The following SHISA9 variants were observed in gnomAD, a reference collection of about 807,000 sequenced individuals.
SHISA9 encodes shisa family member 9, also known as protein shisa-9.
Under a neutral mutation model 38.0 loss-of-function variants are expected in SHISA9, and 13 were observed. The ratio of observed to expected loss-of-function variants is 0.34; its 90% CI spans 0.22 to 0.54. The LOEUF (loss-of-function observed/expected upper bound fraction) is 0.54. Among genes scored for constraint, SHISA9 ranks in the 20% least tolerant of loss-of-function variants. The probability of loss-of-function intolerance (pLI) is 0.91; values close to 1 mark genes in which losing one functional copy is unlikely to be tolerated. For synonymous variants in SHISA9, 275 were observed against 242.0 expected (o/e 1.14, Z -1.27); for missense variants, 538 against 575.8 (o/e 0.93, Z 0.67).
the SHISA9 span, among the ~76,000 whole-genome samples, chr16:13,490,333 C>T: frequency 1.8e-4 from 28 of 152,082 alleles, 1 homozygote; most frequent in South Asian, 2.1e-4. Context: ...GAGGCTGAGG[C>T]GGGTGGATTG....
chr16:13,003,860 A>AATAATAAT (rs1282030078), intron 2 of SHISA9, among the ~76,000 whole-genome samples: 17 of 118,430 alleles, frequency 1.4e-4, no homozygotes, highest in African/African-American at 6.7e-4. Flanking sequence ...TCCGTCTCAA[A>AATAATAAT]ATAATAATAA....
chr16:13,255,815 G>C, the SHISA9 span, among the ~76,000 whole-genome samples: 2 of 152,218 alleles, frequency 1.3e-5, no homozygotes, highest in Admixed American at 1.3e-4. Context: ...TCCAGTCTAT[G>C]GGGAAGAGAG....
the SHISA9 span, among the ~76,000 whole-genome samples, chr16:13,407,942 C>G: frequency 6.6e-6 from 1 of 152,172 alleles, no homozygotes; most frequent in African/African-American, 2.4e-5. Flanking sequence ...ATCTAGATGT[C>G]TTACAGATCT....
the SHISA9 span, among the ~76,000 whole-genome samples, chr16:13,276,295 GT>G: frequency 7.3e-6 from 1 of 136,326 alleles, no homozygotes; most frequent in Non-Finnish European, 1.5e-5. Flanking sequence ...ATATAGCACA[GT>G]TTCTTTATCC....
intron 2 of SHISA9, among the ~76,000 whole-genome samples, chr16:13,089,764 A>G (rs2073753867): frequency 1.3e-5 from 2 of 151,990 alleles, no homozygotes; most frequent in Non-Finnish European, 2.9e-5. Context: ...TCCTGGATTC[A>G]TTGATTTTTT....
the SHISA9 span, among the ~76,000 whole-genome samples, chr16:13,541,768 G>T: frequency 6.6e-6 from 1 of 152,138 alleles, no homozygotes; most frequent in African/African-American, 2.4e-5. Flanking sequence ...AAAAGAGTGA[G>T]TATGATTCAT....
At chr16:13,516,199 G>T in the SHISA9 span, among the ~76,000 whole-genome samples, 1 of 152,202 alleles carries the variant, frequency 6.6e-6, no homozygotes, top group African/African-American at 2.4e-5. Context: ...TGTGAACAAG[G>T]ATTTGGCTTC....
At chr16:13,211,407 T>C (rs2142063695) in intron 3 of SHISA9, among the ~76,000 whole-genome samples, 1 of 152,270 alleles carries the variant, frequency 6.6e-6, no homozygotes, top group South Asian at 2.1e-4. Flanking sequence ...ATATTTTACA[T>C]ACAGTGACAT....
At chr16:13,408,346 G>T in the SHISA9 span, among the ~76,000 whole-genome samples, 2 of 152,122 alleles carry the variant, frequency 1.3e-5, no homozygotes, top group African/African-American at 2.4e-5. Context: ...AATATTAAAA[G>T]CTGATAAATG....
At chr16:13,435,280 A>C in the SHISA9 span, among the ~76,000 whole-genome samples, 3 of 152,038 alleles carry the variant, frequency 2.0e-5, no homozygotes, top group Admixed American at 6.6e-5. Flanking sequence ...AGGAGCACTT[A>C]GAACTGCAAA....
chr16:13,261,891 C>A, the SHISA9 span, among the ~76,000 whole-genome samples: 2 of 152,110 alleles, frequency 1.3e-5, no homozygotes, highest in Non-Finnish European at 2.9e-5. Flanking sequence ...CCTCAGGAGT[C>A]GAAACATCTC....
At chr16:13,130,830 T>C (rs1400638304) in intron 2 of SHISA9, among the ~76,000 whole-genome samples, 1 of 152,198 alleles carries the variant, frequency 6.6e-6, no homozygotes, top group Non-Finnish European at 1.5e-5. Context: ...AAGACTTTAT[T>C]TACATATGTT....
chr16:12,923,192 A>G (rs2071349381), intron 2 of SHISA9, among the ~76,000 whole-genome samples: 1 of 152,198 alleles, frequency 6.6e-6, no homozygotes, highest in Non-Finnish European at 1.5e-5. Context: ...GAACTAATCT[A>G]CCATGATGAC....
chr16:13,351,270 C>T, the SHISA9 span, among the ~76,000 whole-genome samples: 12 of 152,232 alleles, frequency 7.9e-5, no homozygotes, highest in South Asian at 2.5e-3. Flanking sequence ...ACCCAAAGGC[C>T]CCCAGACAGA....
chr16:13,329,571 G>A, the SHISA9 span, among the ~76,000 whole-genome samples: 19 of 151,936 alleles, frequency 1.3e-4, no homozygotes, highest in Non-Finnish European at 2.4e-4. Context: ...CTCTCTTTAG[G>A]CAACAGAATA....
intron 2 of SHISA9, among the ~76,000 whole-genome samples, chr16:13,034,092 C>G (rs947088389): frequency 6.6e-6 from 1 of 150,868 alleles, no homozygotes; most frequent in Non-Finnish European, 1.5e-5. Context: ...TTGCAGAGAG[C>G]TGAGATTGTG....
chr16:13,168,429 A>T (rs891093160), intron 2 of SHISA9, among the ~76,000 whole-genome samples: 4 of 152,218 alleles, frequency 2.6e-5, no homozygotes, highest in African/African-American at 9.7e-5. Context: ...GTCACCTGGA[A>T]GCGGCTTACA....
At chr16:12,930,137 C>T (rs1303005828) in intron 2 of SHISA9, among the ~76,000 whole-genome samples, 1 of 152,190 alleles carries the variant, frequency 6.6e-6, no homozygotes, top group Non-Finnish European at 1.5e-5. Context: ...AGGAATCTTC[C>T]TCCCACTCCC....
rs557771960 is a variant in SHISA9 at position 12,928,874 on chromosome 16, G to A, written c.691+12059G>A. Among the ~76,000 whole-genome samples, 6 of 152,274 alleles carry A rather than the reference G, an allele frequency of 3.9e-5. No homozygotes were observed. The South Asian group carries it at 8.3e-4, about 21-fold the overall frequency. ...TTCTTTGATAATAACTGACAAAGAC[G>A]TTGCATAAGCATATTAAACAAACTG... On this transcript the variant is annotated intron_variant, in intron 2 of 4. Coordinates refer to ENST00000558583, the MANE Select transcript of SHISA9 (RefSeq NM_001145204.3).
Sources: allele counts gnomAD v4.1 joint callset (sites outside exome capture counted in the v4.1 genomes callset), GRCh38; gene constraint gnomAD v4.1.1; transcripts MANE v1.5; gene names NCBI Gene and HGNC (gene_info 2026-07-23, HGNC 2026-07-21).